HSF2: variants seen among roughly 807,000 people sequenced by gnomAD.
The protein encoded by HSF2 is heat shock transcription factor 2.
A neutral mutation model predicts 65.0 loss-of-function variants in HSF2; 21 were observed. The ratio of observed to expected loss-of-function variants is 0.32; its 90% CI spans 0.23 to 0.47. The LOEUF (loss-of-function observed/expected upper bound fraction) is 0.47. Ranked by LOEUF, HSF2 falls within the 20% of genes least tolerant of loss-of-function variation. The pLI, the probability that HSF2 is intolerant of heterozygous loss-of-function variation, is 1.00. For synonymous variants in HSF2, 225 were observed against 219.1 expected (o/e 1.03, Z -0.24); for missense variants, 499 against 628.1 (o/e 0.79, Z 2.20).
chr6:122,405,490 T>G (rs1582605481), intron 1 of HSF2, among the ~76,000 whole-genome samples: 1 of 152,204 alleles, frequency 6.6e-6, no homozygotes, highest in Non-Finnish European at 1.5e-5. Context: ...CAGCCACTAC[T>G]GATAGGGCTG....
At chr6:122,410,594 A>C (rs1773967828) in intron 1 of HSF2, among the ~76,000 whole-genome samples, 1 of 151,832 alleles carries the variant, frequency 6.6e-6, no homozygotes, top group African/African-American at 2.4e-5. Context: ...GCAGCCCCTG[A>C]CAACCACCAT....
At chr6:122,400,157 C>G (rs1250951664) in intron 1 of HSF2, among the ~76,000 whole-genome samples, 3 of 152,124 alleles carry the variant, frequency 2.0e-5, no homozygotes, top group African/African-American at 7.2e-5. Flanking sequence ...GCCGAGGGCG[C>G]GGGAGCCTCT....
At chr6:122,429,800 T>C (rs1260161354) in intron 11 of HSF2, among the ~76,000 whole-genome samples, 4 of 152,198 alleles carry the variant, frequency 2.6e-5, no homozygotes, top group Non-Finnish European at 5.9e-5. Context: ...GTTTATGTGA[T>C]GGATTACGTT....
intron 1 of HSF2, among the ~76,000 whole-genome samples, chr6:122,401,848 C>T (rs1773741178): frequency 6.6e-6 from 1 of 152,066 alleles, no homozygotes; most frequent in Non-Finnish European, 1.5e-5. Context: ...CTAGGTTAGC[C>T]TTATCATTGT....
chr6:122,432,399 TA>T lies in HSF2; in HGVS notation c.*180del. On this transcript the variant is annotated 3_prime_UTR_variant, in exon 13 of 13. Coordinates refer to ENST00000368455, the MANE Select transcript of HSF2 (RefSeq NM_004506.4). ...ACACTCTTGCAGAGCTTTCAGGTGT[TA>T]CTCAGCTGCATAGTTACGCAGATGT... 2 of 574,436 alleles carry T rather than the reference TA, an allele frequency of 3.5e-6. No homozygotes were observed. Among genetic ancestry groups the T allele is most frequent in the Admixed American group, 3.2e-5 (1 of 31,092 alleles). 35.6% of individuals were successfully genotyped at this position (574,436 alleles called of 1,614,324 possible).
chr6:122,408,627 A>G (rs898230173), intron 1 of HSF2, among the ~76,000 whole-genome samples: 1 of 152,128 alleles, frequency 6.6e-6, no homozygotes, highest in African/African-American at 2.4e-5. Context: ...TCAGTGAGCA[A>G]ATCATTTTAC....
At chr6:122,423,727 G>C in intron 10 of HSF2, 41 bp downstream of exon 10, 1 of 1,115,272 alleles carries the variant, frequency 9.0e-7, no homozygotes, top group Non-Finnish European at 1.3e-6. Flanking sequence ...GGTAGTTTGT[G>C]TGTTTATGTA....
intron 10 of HSF2, among the ~76,000 whole-genome samples, chr6:122,424,265 A>G (rs1203956091): frequency 4.6e-5 from 7 of 151,794 alleles, no homozygotes; most frequent in African/African-American, 9.7e-5. Flanking sequence ...TTCTTACTCT[A>G]TTCTCTCTTG....
intron 1 of HSF2, among the ~76,000 whole-genome samples, chr6:122,408,448 C>A (rs1221137059): frequency 6.6e-6 from 1 of 151,628 alleles, no homozygotes; most frequent in African/African-American, 2.4e-5. Context: ...AGGCATATTT[C>A]TAAATTCATT....
At chr6:122,406,365 C>G (rs929581243) in intron 1 of HSF2, among the ~76,000 whole-genome samples, 3 of 151,966 alleles carry the variant, frequency 2.0e-5, no homozygotes, top group Non-Finnish European at 2.9e-5. Context: ...TGTGGCTGTT[C>G]AAGGAAGCAG....
chr6:122,415,399 A>G (rs1774101599), intron 4 of HSF2, among the ~76,000 whole-genome samples: 2 of 152,136 alleles, frequency 1.3e-5, no homozygotes, highest in Admixed American at 6.5e-5. Context: ...GTCCTCATCT[A>G]TAAAATAGAG....
chr6:122,422,605 T>G (rs972716407), intron 8 of HSF2, 113 bp from the exon 9 acceptor site: 18 of 1,097,016 alleles, frequency 1.6e-5, no homozygotes, highest in Non-Finnish European at 2.4e-5. Context: ...CTCAAGAAAT[T>G]TAAGCCTTTC....
chr6:122,423,437 TA>T (rs1365745634), intron 9 of HSF2, 143 bp from the exon 10 acceptor site: 3 of 489,028 alleles, frequency 6.1e-6, no homozygotes, highest in African/African-American at 2.0e-5. Flanking sequence ...ATTCCTACTC[TA>T]GAATAAGATC....
intron 5 of HSF2, among the ~76,000 whole-genome samples, chr6:122,416,675 A>C (rs981334060): frequency 1.3e-5 from 2 of 152,220 alleles, no homozygotes; most frequent in Non-Finnish European, 2.9e-5. Flanking sequence ...TAAAAGGCAT[A>C]GTTAAGGTCT....
chr6:122,399,651 C>A (rs1688672520), upstream of HSF2: 3 of 960,386 alleles, frequency 3.1e-6, no homozygotes, highest in African/African-American at 3.4e-5. Context: ...GCGTTGTGGG[C>A]GTTCTCGGGG....
Position 122,408,252 on chromosome 6 carries a change from T to C in HSF2, c.94-4121T>C, listed in dbSNP as rs9490448. ...TACTGTAGCTTCAGAAAAAGTCTTTTGGTAGGGTAATCTATCCTTCAGGAG... is the reference window on the plus strand; with the variant it reads ...TACTGTAGCTTCAGAAAAAGTCTTTCGGTAGGGTAATCTATCCTTCAGGAG... On this transcript the variant is annotated intron_variant, in intron 1 of 12. Transcript: ENST00000368455. Among the ~76,000 whole-genome samples the C allele has an allele frequency of 5.8e-4, 88 of 152,162 alleles. 1 individual carries two copies. The highest frequency in any genetic ancestry group is 2.1e-3 in the African/African-American group (88 of 41,516).
At chr6:122,411,485 G>C (rs1246809007) in intron 1 of HSF2, among the ~76,000 whole-genome samples, 7 of 151,698 alleles carry the variant, frequency 4.6e-5, no homozygotes, top group African/African-American at 1.7e-4. Flanking sequence ...TTTGTTGCCT[G>C]TACTTTTAGT....
At chr6:122,401,312 G>C (rs1773727914) in intron 1 of HSF2, among the ~76,000 whole-genome samples, 1 of 152,184 alleles carries the variant, frequency 6.6e-6, no homozygotes, top group Non-Finnish European at 1.5e-5. Context: ...AAGTTGACAA[G>C]AAGGATCAGT....
intron 11 of HSF2, among the ~76,000 whole-genome samples, chr6:122,431,204 T>A (rs1774457578): frequency 6.6e-6 from 1 of 152,104 alleles, no homozygotes; most frequent in African/African-American, 2.4e-5. Context: ...ATATAGAACA[T>A]CTTAATTCAG....
Sources: allele counts gnomAD v4.1 joint callset (sites outside exome capture counted in the v4.1 genomes callset), GRCh38; gene constraint gnomAD v4.1.1; transcripts MANE v1.5; gene names NCBI Gene and HGNC (gene_info 2026-07-23, HGNC 2026-07-21).